KIF13A: variants seen among roughly 807,000 people sequenced by gnomAD.
KIF13A encodes kinesin family member 13A.
In KIF13A, 79 loss-of-function variants were observed where a neutral mutation model predicts 212.2. That is an observed-to-expected ratio of 0.37 (90% CI 0.31 to 0.45). KIF13A has a LOEUF of 0.45. Ranked by LOEUF, KIF13A falls within the 20% of genes least tolerant of loss-of-function variation. KIF13A has a pLI of 1.00. For missense variants in KIF13A, 1,901 were observed against 2,209.0 expected (o/e 0.86, Z 2.79); for synonymous variants, 789 against 808.6 (o/e 0.98, Z 0.41).
In KIF13A at chr6:17,828,819, C is replaced by G. The variant is rs979794150; in HGVS notation, c.1402-449G>C. Reference sequence around the variant, plus strand: ...AAAACAGTTACATAAATTTAAGAACCATTAAAAAGCAGTTTCATTGACAGT... The same window carrying G: ...AAAACAGTTACATAAATTTAAGAACGATTAAAAAGCAGTTTCATTGACAGT... On this transcript the variant is annotated intron_variant, in intron 13 of 38. Transcript: ENST00000259711. This position sits in a 1 kb window ranked among gnomAD's most constrained non-coding sequence, Gnocchi z 4.3. Among the ~76,000 whole-genome samples, 1 of 152,092 alleles carries G rather than the reference C, an allele frequency of 6.6e-6. No homozygotes were observed. The highest frequency in any genetic ancestry group is 1.5e-5 in the Non-Finnish European group (1 of 68,020).
intron 16 of KIF13A, among the ~76,000 whole-genome samples, chr6:17,824,577 G>C (rs996243842): frequency 6.6e-6 from 1 of 151,830 alleles, no homozygotes; most frequent in African/African-American, 2.4e-5. Context: ...GCCTTAACAC[G>C]GTGAAACCCC....
At chr6:17,780,092 G>A (rs1760423546) in intron 31 of KIF13A, among the ~76,000 whole-genome samples, 1 of 152,158 alleles carries the variant, frequency 6.6e-6, no homozygotes, top group Non-Finnish European at 1.5e-5. Context: ...AAGTTACTAT[G>A]TTTTTGAAAT....
In KIF13A at chr6:17,961,564, T is replaced by A. The variant is rs1033298720; in HGVS notation, c.146+25490A>T. Among the ~76,000 whole-genome samples the A allele has an allele frequency of 1.3e-5, 2 of 152,202 alleles. No homozygotes were observed. The highest frequency in any genetic ancestry group is 2.9e-5 in the Non-Finnish European group (2 of 68,038). ...AACAGCCCAGTGACTGTATTTATAGTAGAGATGTTATTGAAGATATTGTTC... is the reference window on the plus strand; with the variant it reads ...AACAGCCCAGTGACTGTATTTATAGAAGAGATGTTATTGAAGATATTGTTC... On this transcript the variant is annotated intron_variant, in intron 2 of 38. Coordinates refer to ENST00000259711, the MANE Select transcript of KIF13A (RefSeq NM_022113.6). This position sits in a 1 kb window ranked among gnomAD's most constrained non-coding sequence, Gnocchi z 4.1.
At chr6:17,810,279 G>A (rs1486923048) in intron 17 of KIF13A, among the ~76,000 whole-genome samples, 1 of 152,100 alleles carries the variant, frequency 6.6e-6, no homozygotes. Flanking sequence ...GGCTCTTCTT[G>A]CTCCACTGCA....
rs906060691 is a variant in KIF13A, at chr6:17,900,789, A to G, written c.147-2609T>C. 6.6e-6 allele frequency among the ~76,000 whole-genome samples: 1 copy of G among 152,170 alleles called. No homozygotes were observed. The highest frequency in any genetic ancestry group is 1.5e-5 in the Non-Finnish European group (1 of 68,030). On this transcript the variant is annotated intron_variant, in intron 2 of 38. Coordinates refer to ENST00000259711, the MANE Select transcript of KIF13A (RefSeq NM_022113.6). This position sits in a 1 kb window ranked among gnomAD's most constrained non-coding sequence, Gnocchi z 4.6. Reference sequence around the variant, plus strand: ...GGGACTCGAACAAAACTGAGAGCTCAGTCCAGGGGCCAGGCACAGTGGCTC... The same window carrying G: ...GGGACTCGAACAAAACTGAGAGCTCGGTCCAGGGGCCAGGCACAGTGGCTC...
At chr6:17,861,913 C>T (rs772557506) in intron 4 of KIF13A, among the ~76,000 whole-genome samples, 7 of 152,224 alleles carry the variant, frequency 4.6e-5, no homozygotes, top group Non-Finnish European at 8.8e-5. Context: ...TCTTTTCCTT[C>T]ATGATTTCTG....
In KIF13A at chr6:17,778,970, G is replaced by A. The variant is rs915794536; in HGVS notation, c.4069C>T (p.Leu1357=). Residue 1357 remains leucine (L), a synonymous_variant, in exon 33 of 39, where the codon CTG becomes TTG. Coordinates refer to ENST00000259711, the MANE Select transcript of KIF13A (RefSeq NM_022113.6). The stretch of plus-strand genomic sequence containing the variant: ...GCCTGCCGGAGCCGTTCAAGACTCA[G>A]AATGTTTTCCACCTGCAGCACGCCT... ...TRGVLQVENI[L]SLERLRQAVT... 1.9e-6 allele frequency: 3 copies of A among 1,604,852 alleles called. No homozygotes were observed. Among genetic ancestry groups the A allele is most frequent in the African/African-American group, 1.3e-5 (1 of 74,776 alleles).
intron 4 of KIF13A, among the ~76,000 whole-genome samples, chr6:17,868,915 A>G (rs1243361782): frequency 2.8e-5 from 4 of 140,972 alleles, no homozygotes; most frequent in African/African-American, 1.1e-4. Context: ...AATCGCTTGA[A>G]CCCAAGGAGG....
intron 3 of KIF13A, among the ~76,000 whole-genome samples, chr6:17,874,402 T>C (rs1770312193): frequency 6.6e-6 from 1 of 152,144 alleles, no homozygotes; most frequent in Non-Finnish European, 1.5e-5. Context: ...ATTTGGCATG[T>C]CTTTTACATG....
intron 2 of KIF13A, among the ~76,000 whole-genome samples, chr6:17,958,248 C>T (rs1485264976): frequency 6.6e-6 from 1 of 152,212 alleles, no homozygotes; most frequent in Non-Finnish European, 1.5e-5. Flanking sequence ...GCTAGATGAT[C>T]ATCAAATCAA....
At position 17,987,303 on chromosome 6, in the gene KIF13A, G is replaced by C. The variant is rs1781662456; in HGVS notation, c.55+106C>G. 1.1e-6 allele frequency: 1 copy of C among 905,748 alleles called. No individual in the cohort carries two copies. Among genetic ancestry groups the C allele is most frequent in the Non-Finnish European group, 1.4e-6 (1 of 701,056 alleles). The allele number at this position is 905,748 out of a possible 1,614,324, so 56.1% of individuals were successfully genotyped here. On this transcript the variant is annotated intron_variant, in intron 1 of 38. Transcript: ENST00000259711. The surrounding 1 kb of genome is among the most constrained non-coding windows in gnomAD (Gnocchi z 7.7). ...CCAGCGCGGACGCCGCCTCCGCCCC[G>C]GCCCCCCGGCCCCGGCCGCGCTCTC... is the stretch of plus-strand genomic sequence containing the variant.
rs1763265827 is a variant in KIF13A at position 17,809,683 on chromosome 6, C to G, written c.2001-753G>C. The stretch of plus-strand genomic sequence containing the variant: ...CCATCGTAGGATATTCAAAAAAGAC[C>G]CACTGAATAAAGAAAAGAGTGCTTC... On this transcript the variant is annotated intron_variant, in intron 17 of 38. Coordinates refer to ENST00000259711, the MANE Select transcript of KIF13A (RefSeq NM_022113.6). This position sits in a 1 kb window ranked among gnomAD's most constrained non-coding sequence, Gnocchi z 4.7. Among the ~76,000 whole-genome samples the G allele has an allele frequency of 6.6e-6, 1 of 151,828 alleles. No homozygotes were observed. The highest frequency in any genetic ancestry group is 1.5e-5 in the Non-Finnish European group (1 of 67,884).
At chr6:17,958,511 C>T (rs941897356) in intron 2 of KIF13A, among the ~76,000 whole-genome samples, 3 of 152,122 alleles carry the variant, frequency 2.0e-5, no homozygotes, top group East Asian at 1.9e-4. Flanking sequence ...TTATAACATT[C>T]GTTTAGAAGC....
rs1371160426 is a variant in KIF13A at position 17,900,798 on chromosome 6, G to A, written c.147-2618C>T. On this transcript the variant is annotated intron_variant, in intron 2 of 38. Transcript: ENST00000259711. The surrounding 1 kb of genome is among the most constrained non-coding windows in gnomAD (Gnocchi z 4.6). ...ACAAAACTGAGAGCTCAGTCCAGGGGCCAGGCACAGTGGCTCACACCTGTA... is the reference window on the plus strand; with the variant it reads ...ACAAAACTGAGAGCTCAGTCCAGGGACCAGGCACAGTGGCTCACACCTGTA... 6.6e-6 allele frequency among the ~76,000 whole-genome samples: 1 copy of A among 152,170 alleles called. No individual in the cohort carries two copies. The highest frequency in any genetic ancestry group is 1.5e-5 in the Non-Finnish European group (1 of 68,026).
At chr6:17,985,532 G>A (rs1004279038) in intron 2 of KIF13A, among the ~76,000 whole-genome samples, 6 of 149,922 alleles carry the variant, frequency 4.0e-5, no homozygotes, top group East Asian at 2.0e-4. Context: ...AACAAGTAAC[G>A]GCTACACAAC....
chr6:17,878,123 T>C (rs749236876), intron 3 of KIF13A, among the ~76,000 whole-genome samples: 1 of 152,178 alleles, frequency 6.6e-6, no homozygotes, highest in Non-Finnish European at 1.5e-5. Flanking sequence ...AGAAGCAATA[T>C]GCAAGCAACC....
In KIF13A at chr6:17,826,063, G is replaced by A; in HGVS notation, c.1594C>T (p.Leu532=). Residue 532 remains leucine, a synonymous_variant, in exon 15 of 39, where the codon CTA becomes TTA. Transcript: ENST00000259711. This position sits in a 1 kb window ranked among gnomAD's most constrained non-coding sequence, Gnocchi z 4.7. ...CTAAAAAAGTGATTATTTCCCCATAGGATTCGGTCACCATGCCACAGCTGG... is the reference window on the plus strand; with the variant it reads ...CTAAAAAAGTGATTATTTCCCCATAAGATTCGGTCACCATGCCACAGCTGG... ...TTQLWHGDRI[L]WGNNHFFRIN... is the part of the protein sequence containing the mutation. The A allele has an allele frequency of 1.2e-6, 2 of 1,613,936 alleles. No individual in the cohort carries two copies. The highest frequency in any genetic ancestry group is 1.1e-5 in the South Asian group (1 of 91,086).
chr6:17,882,702 C>T (rs1771185738), intron 3 of KIF13A, among the ~76,000 whole-genome samples: 1 of 152,022 alleles, frequency 6.6e-6, no homozygotes, highest in South Asian at 2.1e-4. Flanking sequence ...GCTGGGACTA[C>T]AGCTGCCCAC....
chr6:17,845,256 C>T (rs968225636), intron 9 of KIF13A, among the ~76,000 whole-genome samples: 11 of 152,142 alleles, frequency 7.2e-5, no homozygotes, highest in African/African-American at 1.9e-4. Context: ...TCCCACAACA[C>T]GTGGTAATTA....
Sources: gnomAD v4.1 joint callset for allele counts (sites outside exome capture counted in the v4.1 genomes callset) on GRCh38, gnomAD v4.1.1 for gene constraint, Gnocchi (gnomAD v3.1) non-coding constraint, MANE v1.5 for transcripts, NCBI Gene and HGNC (gene_info 2026-07-23, HGNC 2026-07-21) for gene names.